MIGA1: variants seen among roughly 807,000 people sequenced by gnomAD.
MIGA1 encodes mitoguardin 1.
Under a neutral mutation model 82.0 loss-of-function variants are expected in MIGA1, and 58 were observed. The observed-to-expected ratio is 0.71, with a 90% confidence interval of 0.57 to 0.88. The LOEUF is 0.88. MIGA1 is among the 40% of genes least tolerant of loss of function. MIGA1 has a pLI of 0.00. For missense variants in MIGA1, 751 were observed against 749.1 expected (o/e 1.00, Z -0.03); for synonymous variants, 249 against 253.6 (o/e 0.98, Z 0.17).
At chr1:77,797,977 A>T (rs533718522) in intron 2 of MIGA1, among the ~76,000 whole-genome samples, 70 of 152,278 alleles carry the variant, frequency 4.6e-4, no homozygotes, top group African/African-American at 1.7e-3. Context: ...TTCTAATACG[A>T]CATTGGTGAA....
chr1:77,810,037 C>G (rs1382476289), intron 5 of MIGA1, among the ~76,000 whole-genome samples: 1 of 151,822 alleles, frequency 6.6e-6, no homozygotes, highest in African/African-American at 2.4e-5. Flanking sequence ...GCATCTGACT[C>G]AATTATTTTT....
intron 8 of MIGA1, among the ~76,000 whole-genome samples, chr1:77,856,396 T>C (rs1228249763): frequency 1.3e-5 from 2 of 152,132 alleles, no homozygotes; most frequent in Non-Finnish European, 2.9e-5. Flanking sequence ...ATTAGGGTGA[T>C]GCTGAATTAG....
chr1:77,835,166 T>C (rs1005724554), intron 7 of MIGA1, among the ~76,000 whole-genome samples: 2 of 152,168 alleles, frequency 1.3e-5, no homozygotes, highest in African/African-American at 4.8e-5. Flanking sequence ...TTCCAGGACT[T>C]CTAGTTTTCT....
intron 4 of MIGA1, among the ~76,000 whole-genome samples, chr1:77,803,726 A>T (rs1403903543): frequency 6.6e-6 from 1 of 152,072 alleles, no homozygotes. Flanking sequence ...ACTTATGGAG[A>T]TAGAGAGTAG....
At chr1:77,845,213 T>G (rs980345523) in intron 8 of MIGA1, among the ~76,000 whole-genome samples, 12 of 152,204 alleles carry the variant, frequency 7.9e-5, no homozygotes, top group African/African-American at 2.9e-4. Context: ...AAAAAATTTT[T>G]CCACTTATAA....
chr1:77,805,869 G>A (rs1380334354), intron 4 of MIGA1, among the ~76,000 whole-genome samples: 1 of 152,112 alleles, frequency 6.6e-6, no homozygotes, highest in African/African-American at 2.4e-5. Flanking sequence ...TCTGAGAAGT[G>A]CCTCTTCTGA....
chr1:77,836,756 AGT>A (rs754024356), intron 7 of MIGA1, among the ~76,000 whole-genome samples: 5 of 152,316 alleles, frequency 3.3e-5, no homozygotes, highest in Non-Finnish European at 7.4e-5. Context: ...CTGTATGACA[AGT>A]GGGGATATGG....
intron 14 of MIGA1, 35 bp from the exon 15 acceptor site, chr1:77,872,969 T>A: frequency 6.2e-7 from 1 of 1,611,918 alleles, no homozygotes; most frequent in Non-Finnish European, 8.5e-7. Flanking sequence ...AACAAGAAGG[T>A]AGAAGTAACT....
intron 14 of MIGA1, among the ~76,000 whole-genome samples, chr1:77,871,125 G>GGCAGAGGGAGAGGGAGAGGGA (rs149246341): frequency 1.3e-5 from 1 of 74,216 alleles, no homozygotes; most frequent in Non-Finnish European, 2.6e-5. Context: ...GAGAGGGAGA[G>GGCAGAGGGAGAGGGAGAGGGA]GAGGGAGAGG....
intron 7 of MIGA1, among the ~76,000 whole-genome samples, chr1:77,831,954 G>A (rs531679080): frequency 7.2e-5 from 11 of 152,210 alleles, no homozygotes; most frequent in Non-Finnish European, 1.2e-4. Context: ...TAGTTGGTAT[G>A]GTTTAAATGA....
intron 8 of MIGA1, among the ~76,000 whole-genome samples, chr1:77,854,487 A>T (rs1393259915): frequency 1.3e-5 from 2 of 152,194 alleles, no homozygotes; most frequent in African/African-American, 4.8e-5. Context: ...ACTTTTTTCC[A>T]TAGTGGCTAT....
chr1:77,794,533 T>C (rs1483660719), intron 2 of MIGA1, among the ~76,000 whole-genome samples: 2 of 152,216 alleles, frequency 1.3e-5, no homozygotes, highest in Non-Finnish European at 2.9e-5. Flanking sequence ...TGTCACAATA[T>C]CAGGGGATAC....
chr1:77,802,800 AC>A (rs1223845804), intron 3 of MIGA1, among the ~76,000 whole-genome samples: 1 of 151,928 alleles, frequency 6.6e-6, no homozygotes, highest in African/African-American at 2.4e-5. Context: ...AAAAAAAAAA[AC>A]CAAGAAACTA....
chr1:77,847,998 T>C (rs1684907808), intron 8 of MIGA1: 1 of 1,231,664 alleles, frequency 8.1e-7, no homozygotes, highest in African/African-American at 1.5e-5. Context: ...TCAAAACCAC[T>C]CTCAGTCACC....
At chr1:77,830,997 A>G (rs1684222756) in intron 7 of MIGA1, among the ~76,000 whole-genome samples, 1 of 152,178 alleles carries the variant, frequency 6.6e-6, no homozygotes, top group South Asian at 2.1e-4. Flanking sequence ...AAGTTAGTAT[A>G]TTCTTCAATA....
In MIGA1 at chr1:77,807,098, A is replaced by G. The variant is rs1322564575; in HGVS notation, c.634A>G (p.Met212Val). 6.4e-7 allele frequency: 1 copy of G among 1,573,192 alleles called. No individual in the cohort carries two copies. Among genetic ancestry groups the G allele is most frequent in the Non-Finnish European group, 8.7e-7 (1 of 1,152,100 alleles). The change falls in exon 5 of 16, where the codon ATG (methionine) becomes GTG (valine). Residue 212 changes from methionine (M) to valine (V), a missense_variant. By Grantham distance (21) the Met-to-Val change is conservative. Around this residue, in one of 3 missense-constraint regions of MIGA1, gnomAD observed 482 missense variants for 439.4 expected, o/e 1.10. Coordinates refer to ENST00000370791, the MANE Select transcript of MIGA1 (RefSeq NM_198549.4). Reference sequence around the variant, plus strand: ...GACTACTCCAGAGAACTTATACTTAATGGGTAGGAATGAGATGATAACATT... The same window carrying G: ...GACTACTCCAGAGAACTTATACTTAGTGGGTAGGAATGAGATGATAACATT...
At chr1:77,869,486 G>C (rs1167439738) in intron 14 of MIGA1, among the ~76,000 whole-genome samples, 1 of 138,230 alleles carries the variant, frequency 7.2e-6, no homozygotes, top group Admixed American at 7.0e-5. Flanking sequence ...TCGTGGCCGG[G>C]CAGAGGGGCT....
At chr1:77,797,842 G>A (rs1682722048) in intron 2 of MIGA1, among the ~76,000 whole-genome samples, 1 of 152,062 alleles carries the variant, frequency 6.6e-6, no homozygotes, top group Non-Finnish European at 1.5e-5. Flanking sequence ...CTAGTTATAG[G>A]AGCTTTTTTG....
intron 14 of MIGA1, among the ~76,000 whole-genome samples, chr1:77,872,600 C>CA (rs1191871713): frequency 6.6e-6 from 1 of 151,866 alleles, no homozygotes; most frequent in Non-Finnish European, 1.5e-5. Flanking sequence ...GACCCTGTCT[C>CA]AAAAAAACAA....
Sources: gnomAD v4.1 joint callset for allele counts (sites outside exome capture counted in the v4.1 genomes callset) on GRCh38, gnomAD v4.1.1 for gene constraint, gnomAD v4.1.1 regional missense constraint, MANE v1.5 for transcripts, NCBI Gene and HGNC (gene_info 2026-07-23, HGNC 2026-07-21) for gene names.